Variants in TMC1 observed in about 807,000 individuals in gnomAD.
The protein encoded by TMC1 is transmembrane channel like 1.
TMC1 carries 84 observed loss-of-function variants against 105.8 expected under a neutral mutation model. That is an observed-to-expected ratio of 0.79 (90% CI 0.67 to 0.95). The LOEUF is 0.95. Among genes scored for constraint, TMC1 ranks in the 40% least tolerant of loss-of-function variants. The pLI is 0.00. For missense variants in TMC1, 817 were observed against 914.1 expected (o/e 0.89, Z 1.37); for synonymous variants, 315 against 311.5 (o/e 1.01, Z -0.12).
At chr9:72,734,541 A>T (rs1827266298) in intron 8 of TMC1, among the ~76,000 whole-genome samples, 1 of 151,868 alleles carries the variant, frequency 6.6e-6, no homozygotes, top group Non-Finnish European at 1.5e-5. Flanking sequence ...AAGTTATATT[A>T]TCTAGGAGGC....
chr9:72,686,966 C>T (rs754762200), intron 5 of TMC1, among the ~76,000 whole-genome samples: 4 of 152,086 alleles, frequency 2.6e-5, no homozygotes, highest in Non-Finnish European at 5.9e-5. Context: ...TGACTCTAGC[C>T]CTGCTTTTTC....
chr9:72,751,778 C>G, intron 10 of TMC1, 72 bp from the exon 11 acceptor site: 2 of 998,522 alleles, frequency 2.0e-6, no homozygotes, highest in Admixed American at 1.7e-5. Context: ...TTGAAGGCAA[C>G]CAAGACAAAG....
At chr9:72,746,327 G>C (rs1401142292) in intron 10 of TMC1, among the ~76,000 whole-genome samples, 1 of 152,206 alleles carries the variant, frequency 6.6e-6, no homozygotes, top group Non-Finnish European at 1.5e-5. Flanking sequence ...AGGCACTATT[G>C]CTACTGCCAA....
At chr9:72,533,652 A>G (rs1823532546) in intron 1 of TMC1, among the ~76,000 whole-genome samples, 1 of 152,208 alleles carries the variant, frequency 6.6e-6, no homozygotes, top group African/African-American at 2.4e-5. Context: ...AATTTATGAT[A>G]AGGATACAGG....
intron 4 of TMC1, among the ~76,000 whole-genome samples, chr9:72,642,348 A>G (rs1390181747): frequency 6.6e-6 from 1 of 152,120 alleles, no homozygotes; most frequent in Non-Finnish European, 1.5e-5. Flanking sequence ...TTCCTGTTTC[A>G]TTCCTATAGA....
Position 72,536,792 on chromosome 9 carries a change from T to A in TMC1, c.-428+14879T>A, listed in dbSNP as rs144129622. Among the ~76,000 whole-genome samples the A allele has an allele frequency of 4.5e-3, 688 of 152,316 alleles. 6 individuals are homozygous for A. The highest frequency in any genetic ancestry group is 0.016 in the African/African-American group (660 of 41,574). On this transcript the variant is annotated intron_variant, in intron 1 of 23. Coordinates refer to ENST00000297784, the MANE Select transcript of TMC1 (RefSeq NM_138691.3). ...ACTGCTCTCACAGATTGAAGCCCAA[T>A]GCCTGTGCCTTTTTCAGGCTGCAGT...
chr9:72,552,380 T>G (rs1363217335), intron 1 of TMC1, among the ~76,000 whole-genome samples: 1 of 152,144 alleles, frequency 6.6e-6, no homozygotes, highest in Non-Finnish European at 1.5e-5. Context: ...AAGAGACTTG[T>G]AAGCATTAAA....
intron 5 of TMC1, among the ~76,000 whole-genome samples, chr9:72,673,329 A>G (rs191129089): frequency 1.3e-5 from 2 of 152,278 alleles, no homozygotes; most frequent in East Asian, 3.9e-4. Flanking sequence ...AATAAGCAGA[A>G]GAAAGTAAGT....
intron 5 of TMC1, chr9:72,655,835 T>C: frequency 4.1e-6 from 3 of 728,698 alleles, no homozygotes; most frequent in Non-Finnish European, 7.5e-6. Context: ...AGTTGACTTA[T>C]ACGTCTACAA....
Position 72,791,869 on chromosome 9 carries a change from C to T in TMC1, c.1225-17C>T, listed in dbSNP as rs1201658166. On this transcript the variant is annotated splice_polypyrimidine_tract_variant and intron_variant, in intron 15 of 23. Coordinates refer to ENST00000297784, the MANE Select transcript of TMC1 (RefSeq NM_138691.3). The stretch of plus-strand genomic sequence containing the variant: ...TAAACACCATTAACCTAGTTTCTCC[C>T]TTGTGCCTCCTTGTAGATGAACATG... The T allele has an allele frequency of 6.8e-6, 11 of 1,609,016 alleles. No homozygotes were observed. Among genetic ancestry groups the T allele is most frequent in the Admixed American group, 3.3e-5 (2 of 59,996 alleles).
At chr9:72,648,109 T>C (rs1825743903) in intron 4 of TMC1, among the ~76,000 whole-genome samples, 1 of 152,224 alleles carries the variant, frequency 6.6e-6, no homozygotes, top group African/African-American at 2.4e-5. Flanking sequence ...TGGAGATTGA[T>C]TGCTATGTTG....
Position 72,706,855 on chromosome 9 carries a change from A to T in TMC1, c.362+6212A>T, listed in dbSNP as rs1588042109. ...AGTGGCGTGATCTCGGCTCACTGCA[A>T]CCTTTACCTGCCAGGTTCAAGCGAT... On this transcript the variant is annotated intron_variant, in intron 8 of 23. Coordinates refer to ENST00000297784, the MANE Select transcript of TMC1 (RefSeq NM_138691.3). Among the ~76,000 whole-genome samples the T allele has an allele frequency of 1.3e-5, 2 of 150,712 alleles. 1 individual carries two copies. The highest frequency in any genetic ancestry group is 1.3e-4 in the Admixed American group (2 of 15,146).
chr9:72,798,578 A>T (rs772150873), intron 17 of TMC1, among the ~76,000 whole-genome samples: 23 of 152,074 alleles, frequency 1.5e-4, no homozygotes, highest in Non-Finnish European at 2.4e-4. Flanking sequence ...TCCTTAGCAA[A>T]CTCATGTAGG....
rs760532554 is a variant in TMC1 at position 72,791,995 on chromosome 9, G to A, written c.1334G>A (p.Arg445His). 17 of 1,613,884 alleles carry A rather than the reference G, an allele frequency of 1.1e-5. No homozygotes were observed. The highest frequency in any genetic ancestry group is 3.3e-4 in the Middle Eastern group (2 of 6,074). ...ATCGCTTTGAAATGGCTACTGGGAC[G>A]CATTTTTGCTCTTCTTTTAGGCAAT... is the stretch of plus-strand genomic sequence containing the variant. The part of the protein sequence containing the change: ...PLIALKWLLG[R>H]IFALLLGNLY... Residue 445 changes from arginine to histidine, a missense_variant, in exon 16 of 24, where the codon CGC becomes CAC. By Grantham distance (29) the Arg-to-His change is conservative (BLOSUM62 0). Transcript: ENST00000297784.
intron 9 of TMC1, among the ~76,000 whole-genome samples, chr9:72,740,827 T>C (rs1419443096): frequency 1.3e-5 from 2 of 152,200 alleles, no homozygotes; most frequent in Non-Finnish European, 2.9e-5. Context: ...GTTTTGTGAA[T>C]AAAGTTCATA....
intron 5 of TMC1, among the ~76,000 whole-genome samples, chr9:72,680,721 C>T (rs1361896536): frequency 6.6e-5 from 10 of 152,128 alleles, no homozygotes. Context: ...CCTGCCCCCA[C>T]TGCCTTTTGT....
Position 72,727,345 on chromosome 9 carries a change from C to T in TMC1, c.363-12774C>T, listed in dbSNP as rs1827140554. Among the ~76,000 whole-genome samples the T allele has an allele frequency of 5.3e-5, 8 of 152,094 alleles. No individual in the cohort carries two copies. The South Asian group carries it at 1.7e-3, about 32-fold the overall frequency. On this transcript the variant is annotated intron_variant, in intron 8 of 23. Transcript: ENST00000297784. Reference sequence around the variant, plus strand: ...AAAGTTTAAGCTGTAGAAAGGAATTCATATATTTCCTTGATTTCTTTTAAA... The same window carrying T: ...AAAGTTTAAGCTGTAGAAAGGAATTTATATATTTCCTTGATTTCTTTTAAA...
chr9:72,622,996 G>C (rs1434821740), intron 3 of TMC1, among the ~76,000 whole-genome samples: 2 of 150,290 alleles, frequency 1.3e-5, no homozygotes, highest in Admixed American at 6.6e-5. Context: ...AGGTTGCAGG[G>C]AGCCGAGATT....
intron 8 of TMC1, among the ~76,000 whole-genome samples, chr9:72,708,448 G>A (rs1299921183): frequency 6.6e-6 from 1 of 150,794 alleles, no homozygotes; most frequent in Non-Finnish European, 1.5e-5. Flanking sequence ...TTTCAGCCAT[G>A]TTTTGTAGTT....
Sources: allele counts gnomAD v4.1 joint callset (sites outside exome capture counted in the v4.1 genomes callset), GRCh38; gene constraint gnomAD v4.1.1; transcripts MANE v1.5; gene names NCBI Gene and HGNC (gene_info 2026-07-23, HGNC 2026-07-21).